PTPRD: variants seen among roughly 807,000 people sequenced by gnomAD.
The protein encoded by PTPRD is receptor-type tyrosine-protein phosphatase delta.
In PTPRD, 34 loss-of-function variants were observed where a neutral mutation model predicts 214.5. That is an observed-to-expected ratio of 0.16 (90% CI 0.12 to 0.21). The LOEUF is 0.21. Among genes scored for constraint, PTPRD ranks in the 10% least tolerant of loss-of-function variants. PTPRD has a pLI of 1.00. For synonymous variants in PTPRD, 1,128 were observed against 845.7 expected, an observed-to-expected ratio of 1.33 and a Z score of -5.79; for missense variants, 2,545 against 2,398.7, an observed-to-expected ratio of 1.06 and a Z score of -1.27.
intron 10 of PTPRD, among the ~76,000 whole-genome samples, chr9:9,173,556 T>C (rs765243822): frequency 6.6e-6 from 1 of 152,152 alleles, no homozygotes; most frequent in Non-Finnish European, 1.5e-5. Flanking sequence ...CTAGGCTATA[T>C]GGTATAGCTT....
At chr9:10,444,970 A>C (rs1056327140) in intron 2 of PTPRD, among the ~76,000 whole-genome samples, 1 of 151,986 alleles carries the variant, frequency 6.6e-6, no homozygotes, top group African/African-American at 2.4e-5. Context: ...AGAAAATACA[A>C]ATGTTGTTAA....
chr9:9,704,901 C>A (rs1240810549), intron 7 of PTPRD, among the ~76,000 whole-genome samples: 2 of 152,150 alleles, frequency 1.3e-5, no homozygotes, highest in African/African-American at 4.8e-5. Context: ...AAAATAATCA[C>A]TCAACTGAGG....
chr9:9,383,589 T>A (rs2062963653), intron 9 of PTPRD, among the ~76,000 whole-genome samples: 1 of 152,186 alleles, frequency 6.6e-6, no homozygotes, highest in Non-Finnish European at 1.5e-5. Context: ...TTAAATGATT[T>A]GGCTAAGAAA....
At chr9:8,542,714 G>A (rs1205821882) in intron 14 of PTPRD, among the ~76,000 whole-genome samples, 1 of 152,190 alleles carries the variant, frequency 6.6e-6, no homozygotes, top group African/African-American at 2.4e-5. Context: ...TTCAGGAATT[G>A]GCAAAAGGGG....
chr9:9,275,061 A>G (rs1410942683), intron 9 of PTPRD, among the ~76,000 whole-genome samples: 1 of 66,164 alleles, frequency 1.5e-5, no homozygotes, highest in Non-Finnish European at 2.8e-5. Flanking sequence ...ATATGTATAT[A>G]TATATTATAT....
At chr9:10,235,105 CT>C (rs1453719530) in intron 3 of PTPRD, among the ~76,000 whole-genome samples, 1 of 151,912 alleles carries the variant, frequency 6.6e-6, no homozygotes, top group African/African-American at 2.4e-5. Context: ...ACAGCCCTTA[CT>C]TTTTACCCTT....
chr9:10,578,219 G>A (rs562686331), intron 2 of PTPRD, among the ~76,000 whole-genome samples: 1 of 151,972 alleles, frequency 6.6e-6, no homozygotes, highest in Non-Finnish European at 1.5e-5. Flanking sequence ...CCATTACAAG[G>A]TATTTCACTG....
chr9:9,614,943 C>A (rs1218905057), intron 7 of PTPRD, among the ~76,000 whole-genome samples: 2 of 152,124 alleles, frequency 1.3e-5, no homozygotes, highest in African/African-American at 4.8e-5. Flanking sequence ...TTAAGCATTT[C>A]TCCTTAAAGT....
intron 3 of PTPRD, among the ~76,000 whole-genome samples, chr9:10,177,109 T>C (rs2099253248): frequency 6.6e-6 from 1 of 151,960 alleles, no homozygotes; most frequent in African/African-American, 2.4e-5. Flanking sequence ...GAAAAATAAA[T>C]GGAAATGAAA....
intron 14 of PTPRD, among the ~76,000 whole-genome samples, chr9:8,541,520 A>AT (rs2078413801): frequency 6.6e-6 from 1 of 152,100 alleles, no homozygotes; most frequent in African/African-American, 2.4e-5. Context: ...ACATACCACC[A>AT]TACCCGTCTT....
Position 8,998,460 on chromosome 9 carries a change from A to C in PTPRD, c.-104+20237T>G, listed in dbSNP as rs541069734. Reference sequence around the variant, plus strand: ...TTTAGCAGCATGACTTACCGTGAATATTTTAAGCCCATTGTTGAGACCTAC... The same window carrying C: ...TTTAGCAGCATGACTTACCGTGAATCTTTTAAGCCCATTGTTGAGACCTAC... On this transcript the variant is annotated intron_variant, in intron 11 of 45. Transcript: ENST00000381196. Among the ~76,000 whole-genome samples, 8 of 152,112 alleles carry C rather than the reference A, an allele frequency of 5.3e-5. No individual in the cohort carries two copies. The East Asian group carries it at 1.4e-3, about 26-fold the overall frequency.
At chr9:9,661,345 T>C (rs1365173375) in intron 7 of PTPRD, among the ~76,000 whole-genome samples, 1 of 151,898 alleles carries the variant, frequency 6.6e-6, no homozygotes, top group Non-Finnish European at 1.5e-5. Context: ...TAACTGTATA[T>C]TTTTTTAAAT....
chr9:10,419,181 T>A (rs944195697), intron 2 of PTPRD, among the ~76,000 whole-genome samples: 6 of 151,960 alleles, frequency 3.9e-5, no homozygotes, highest in African/African-American at 1.4e-4. Flanking sequence ...GACTTTCATG[T>A]TGCAAAATCC....
At chr9:10,384,852 T>G (rs1235902279) in intron 2 of PTPRD, among the ~76,000 whole-genome samples, 1 of 151,804 alleles carries the variant, frequency 6.6e-6, no homozygotes, top group African/African-American at 2.4e-5. Context: ...TTTTTAACGA[T>G]GTATAAAATT....
At chr9:9,905,380 T>C (rs1450758090) in intron 5 of PTPRD, among the ~76,000 whole-genome samples, 2 of 152,076 alleles carry the variant, frequency 1.3e-5, no homozygotes, top group East Asian at 1.9e-4. Flanking sequence ...CTAAAGAGCA[T>C]ATAAAATACA....
rs565309844 is a variant in PTPRD at position 10,190,159 on chromosome 9, G to C, written c.-545+150804C>G. 3.3e-5 allele frequency among the ~76,000 whole-genome samples: 5 copies of C among 151,914 alleles called. No individual in the cohort carries two copies. The South Asian group carries it at 1.0e-3, about 32-fold the overall frequency. On this transcript the variant is annotated intron_variant, in intron 3 of 45. Transcript: ENST00000381196. The stretch of plus-strand genomic sequence containing the variant: ...AGGGGGGTGGATCACCTGAGGTCAG[G>C]AGTTCGAGATCAGCCTGACCAATAT...
At chr9:8,846,852 G>C (rs1427655719) in intron 11 of PTPRD, among the ~76,000 whole-genome samples, 1 of 152,168 alleles carries the variant, frequency 6.6e-6, no homozygotes, top group Non-Finnish European at 1.5e-5. Context: ...GCTTTTTACA[G>C]ACAGAAACAG....
At chr9:8,395,004 C>A (rs921798936) in intron 36 of PTPRD, among the ~76,000 whole-genome samples, 9 of 152,082 alleles carry the variant, frequency 5.9e-5, no homozygotes, top group African/African-American at 1.2e-4. Context: ...CCAGTGGATG[C>A]GGCTGCACTA....
At chr9:9,431,562 C>A (rs1281202662) in intron 8 of PTPRD, among the ~76,000 whole-genome samples, 3 of 151,984 alleles carry the variant, frequency 2.0e-5, no homozygotes, top group African/African-American at 7.3e-5. Context: ...GGGCATATAC[C>A]CAAAGGATTA....
Sources: gnomAD v4.1 joint callset for allele counts (sites outside exome capture counted in the v4.1 genomes callset) on GRCh38, gnomAD v4.1.1 for gene constraint, MANE v1.5 for transcripts, NCBI Gene and HGNC (gene_info 2026-07-23, HGNC 2026-07-21) for gene names.